XPO4: variants seen among roughly 807,000 people sequenced by gnomAD.
XPO4 encodes exportin 4, also known as exportin-4.
XPO4 carries 39 observed loss-of-function variants against 143.0 expected under a neutral mutation model. That is an observed-to-expected ratio of 0.27 (90% CI 0.21 to 0.36). The LOEUF is 0.36. Among genes scored for constraint, XPO4 ranks in the 10% least tolerant of loss-of-function variants. The pLI is 1.00. For missense variants in XPO4, 907 were observed against 1,348.0 expected, an observed-to-expected ratio of 0.67 and a Z score of 5.12; for synonymous variants, 439 against 474.0, an observed-to-expected ratio of 0.93 and a Z score of 0.96.
rs954378310 is a variant in XPO4 at position 20,893,360 on chromosome 13, G to A, written c.69+9310C>T. On this transcript the variant is annotated intron_variant, in intron 1 of 22. Transcript: ENST00000255305. ...GTGGACAGAAACAGTCTTATGGCTCGGATACAAGGCAGAGGCCACCCACTC... is the reference window on the plus strand; with the variant it reads ...GTGGACAGAAACAGTCTTATGGCTCAGATACAAGGCAGAGGCCACCCACTC... Among the ~76,000 whole-genome samples the A allele has an allele frequency of 5.3e-5, 8 of 152,128 alleles. No homozygotes were observed. The South Asian group carries it at 1.0e-3, about 20-fold the overall frequency.
intron 3 of XPO4, chr13:20,859,883 C>T (rs1485671880): frequency 1.0e-6 from 1 of 981,232 alleles, no homozygotes; most frequent in Non-Finnish European, 1.2e-6. Flanking sequence ...AAATTTGCTA[C>T]ACATTTAAGT....
intron 6 of XPO4, among the ~76,000 whole-genome samples, chr13:20,830,191 C>A (rs1393245227): frequency 1.3e-5 from 2 of 152,084 alleles, no homozygotes; most frequent in Admixed American, 6.5e-5. Context: ...GTGTTGGTAA[C>A]CAGAATAGTT....
At chr13:20,852,616 A>G in intron 4 of XPO4, 2 of 955,738 alleles carry the variant, frequency 2.1e-6, no homozygotes, top group Non-Finnish European at 2.5e-6. Flanking sequence ...ATATTATGGT[A>G]TATTTGATTA....
intron 1 of XPO4, among the ~76,000 whole-genome samples, chr13:20,873,779 C>A (rs2060325773): frequency 6.6e-6 from 1 of 152,120 alleles, no homozygotes; most frequent in South Asian, 2.1e-4. Flanking sequence ...TACAGGCACG[C>A]ACCACCATGC....
At chr13:20,881,041 CCA>C (rs2060404620) in intron 1 of XPO4, among the ~76,000 whole-genome samples, 1 of 151,412 alleles carries the variant, frequency 6.6e-6, no homozygotes, top group South Asian at 2.1e-4. Context: ...GTAAGATAAC[CCA>C]GACACAAAAG....
At chr13:20,819,679 C>T (rs1375847752) in intron 9 of XPO4, among the ~76,000 whole-genome samples, 1 of 152,020 alleles carries the variant, frequency 6.6e-6, no homozygotes, top group Non-Finnish European at 1.5e-5. Context: ...AAGATCATGT[C>T]TTTATATACT....
Position 20,783,675 on chromosome 13 carries a change from A to G in XPO4, c.*47T>C, listed in dbSNP as rs1466490796. The G allele has an allele frequency of 1.3e-6, 2 of 1,586,568 alleles. No homozygotes were observed. The highest frequency in any genetic ancestry group is 1.7e-5 in the Admixed American group (1 of 59,914). On this transcript the variant is annotated 3_prime_UTR_variant, in exon 23 of 23. Coordinates refer to ENST00000255305, the MANE Select transcript of XPO4 (RefSeq NM_022459.5). ...GACTCAAGTCAACTTTCAGCAATTC[A>G]GTGCACTTTGCAGAAAGGATCTAAA...
intron 1 of XPO4, among the ~76,000 whole-genome samples, chr13:20,880,448 GA>G (rs920246003): frequency 1.4e-5 from 2 of 147,220 alleles, no homozygotes; most frequent in African/African-American, 5.0e-5. Context: ...AAAAAGAAAA[GA>G]AAAAAAAAGG....
intron 11 of XPO4, 63 bp downstream of exon 11, chr13:20,809,020 G>C: frequency 6.4e-7 from 1 of 1,560,420 alleles, no homozygotes; most frequent in East Asian, 2.3e-5. Flanking sequence ...CACTTTAAGT[G>C]CTCTCCAGGG....
rs2059990196 is a variant in XPO4 at position 20,842,930 on chromosome 13, T to C, written c.692A>G (p.Asn231Ser). The part of the protein sequence containing the change: ...SVFQRYLALA[N>S]QVLSWNFLPP... ...AAGAAAGTTCCAGCTCAAGACTTGA[T>C]TGGCGAGTGCAAGGTAACGCTGAAA... Residue 231 changes from asparagine (N) to serine (S), a missense_variant, in exon 6 of 23, where the codon AAT becomes AGT. Coordinates refer to ENST00000255305, the MANE Select transcript of XPO4 (RefSeq NM_022459.5). 5.0e-6 allele frequency: 8 copies of C among 1,612,428 alleles called. No homozygotes were observed. The highest frequency in any genetic ancestry group is 6.8e-6 in the Non-Finnish European group (8 of 1,178,878).
At chr13:20,873,877 A>G (rs1008634068) in intron 1 of XPO4, among the ~76,000 whole-genome samples, 3 of 152,198 alleles carry the variant, frequency 2.0e-5, no homozygotes, top group African/African-American at 4.8e-5. Flanking sequence ...TACTATTAAC[A>G]ACAACATCTA....
chr13:20,889,306 C>A (rs1377398926), intron 1 of XPO4, among the ~76,000 whole-genome samples: 3 of 152,206 alleles, frequency 2.0e-5, no homozygotes, highest in African/African-American at 7.2e-5. Context: ...TTTCTACAGA[C>A]TGAACTGCTC....
At chr13:20,830,830 C>T (rs9315905) in intron 6 of XPO4, among the ~76,000 whole-genome samples, 44,000 of 151,836 alleles carry the variant, frequency 0.29, 8,044 homozygotes, top group East Asian at 0.8. Flanking sequence ...GGGAGAAAGG[C>T]TTACTATGCA....
intron 18 of XPO4, among the ~76,000 whole-genome samples, chr13:20,792,553 A>T (rs2059298452): frequency 6.6e-6 from 1 of 151,852 alleles, no homozygotes; most frequent in Admixed American, 6.6e-5. Flanking sequence ...TGGGTGACAG[A>T]GCGAGACGCT....
chr13:20,796,528 C>T (rs1027644771), intron 17 of XPO4, among the ~76,000 whole-genome samples: 6 of 151,424 alleles, frequency 4.0e-5, no homozygotes, highest in South Asian at 2.1e-4. Context: ...CAAATCTGAA[C>T]GTTCTGTATA....
chr13:20,834,076 CCA>C (rs1412341773), intron 6 of XPO4, among the ~76,000 whole-genome samples: 1 of 152,084 alleles, frequency 6.6e-6, no homozygotes, highest in East Asian at 1.9e-4. Flanking sequence ...GCTCTCTGGG[CCA>C]CAGAGTGATT....
At chr13:20,863,884 T>C (rs970221984) in intron 2 of XPO4, among the ~76,000 whole-genome samples, 18 of 152,150 alleles carry the variant, frequency 1.2e-4, no homozygotes, top group African/African-American at 3.9e-4. Context: ...AAGCACACCA[T>C]TTTCTCTCCT....
intron 9 of XPO4, among the ~76,000 whole-genome samples, chr13:20,818,965 C>T (rs949354207): frequency 1.8e-4 from 27 of 152,008 alleles, no homozygotes; most frequent in African/African-American, 6.5e-4. Flanking sequence ...GGATTACAGG[C>T]GCCCGCCACC....
chr13:20,845,147 G>A (rs1375610911), intron 4 of XPO4, among the ~76,000 whole-genome samples: 1 of 152,230 alleles, frequency 6.6e-6, no homozygotes, highest in Non-Finnish European at 1.5e-5. Flanking sequence ...ACTCCAGCCT[G>A]GGCAACAGAG....
Sources: gnomAD v4.1 joint callset for allele counts (sites outside exome capture counted in the v4.1 genomes callset) on GRCh38, gnomAD v4.1.1 for gene constraint, MANE v1.5 for transcripts, NCBI Gene and HGNC (gene_info 2026-07-23, HGNC 2026-07-21) for gene names.